Variants in CLSTN2 observed in about 807,000 individuals in gnomAD.
The protein encoded by CLSTN2 is calsyntenin 2.
In CLSTN2, 48 loss-of-function variants were observed where a neutral mutation model predicts 101.2. The ratio of observed to expected loss-of-function variants is 0.47; its 90% CI spans 0.38 to 0.60. CLSTN2 has a LOEUF of 0.60. Among genes scored for constraint, CLSTN2 ranks in the 20% least tolerant of loss-of-function variants. The pLI, the probability that CLSTN2 is intolerant of heterozygous loss-of-function variation, is 0.00. For synonymous variants in CLSTN2, 481 were observed against 463.6 expected (o/e 1.04, Z -0.48); for missense variants, 1,160 against 1,238.2 (o/e 0.94, Z 0.95).
chr3:139,991,377 A>G (rs1446368665), intron 1 of CLSTN2, among the ~76,000 whole-genome samples: 2 of 152,262 alleles, frequency 1.3e-5, no homozygotes, highest in East Asian at 3.8e-4. Context: ...TAAAACTATA[A>G]GACAGTTATT....
chr3:140,572,264 T>C lies in CLSTN2; in HGVS notation c.*6011T>C, dbSNP rs944787982. 12 of 152,164 alleles carry C rather than the reference T, an allele frequency of 7.9e-5. No homozygotes were observed. The highest frequency in any genetic ancestry group is 2.4e-4 in the African/African-American group (10 of 41,434). 9.4% of individuals were successfully genotyped at this position (152,164 alleles called of 1,614,324 possible). Reference sequence around the variant, plus strand: ...CAGACTGAGGAGCTCTCCAGGGAAGTAGGCAATATTTCCCTGAATATTCCT... The same window carrying C: ...CAGACTGAGGAGCTCTCCAGGGAAGCAGGCAATATTTCCCTGAATATTCCT... On this transcript the variant is annotated 3_prime_UTR_variant, in exon 17 of 17. Coordinates refer to ENST00000458420, the MANE Select transcript of CLSTN2 (RefSeq NM_022131.3).
intron 8 of CLSTN2, among the ~76,000 whole-genome samples, chr3:140,497,260 C>G (rs1025790010): frequency 3.9e-5 from 6 of 152,130 alleles, no homozygotes; most frequent in African/African-American, 1.4e-4. Flanking sequence ...GCCACCCTTC[C>G]CATCAGGGGC....
chr3:140,277,055 G>A (rs766372175), intron 2 of CLSTN2, among the ~76,000 whole-genome samples: 9 of 152,118 alleles, frequency 5.9e-5, no homozygotes, highest in East Asian at 5.8e-4. Context: ...TCATGCCTAA[G>A]CTCCTCCATG....
intron 1 of CLSTN2, among the ~76,000 whole-genome samples, chr3:140,165,393 A>T (rs2010119028): frequency 6.6e-6 from 1 of 152,226 alleles, no homozygotes; most frequent in Admixed American, 6.5e-5. Flanking sequence ...GCACTGTGTT[A>T]GGAACTGTAG....
intron 1 of CLSTN2, among the ~76,000 whole-genome samples, chr3:140,091,743 C>T (rs143296258): frequency 6.6e-6 from 1 of 152,252 alleles, no homozygotes; most frequent in African/African-American, 2.4e-5. Flanking sequence ...GGAACAATAT[C>T]CCATTAGGGA....
In CLSTN2 at chr3:140,226,658, C is replaced by T. The variant is rs999756383; in HGVS notation, c.232+50585C>T. ...ACTAGATAATGGAACAGGACCTAAA[C>T]TATGCAGTGCTGGTGTATTAGTCCA... On this transcript the variant is annotated intron_variant, in intron 2 of 16. Transcript: ENST00000458420. Among the ~76,000 whole-genome samples the T allele has an allele frequency of 3.9e-5, 6 of 152,082 alleles. No individual in the cohort carries two copies. The South Asian group carries it at 6.2e-4, about 16-fold the overall frequency.
chr3:140,466,112 C>T (rs1026461535), intron 7 of CLSTN2, among the ~76,000 whole-genome samples: 18 of 152,286 alleles, frequency 1.2e-4, no homozygotes, highest in African/African-American at 4.1e-4. Flanking sequence ...TGAGGCAGCT[C>T]TGCTTCATAT....
intron 10 of CLSTN2, among the ~76,000 whole-genome samples, chr3:140,555,100 T>TCC (rs1935769755): frequency 1.3e-5 from 2 of 152,190 alleles, no homozygotes; most frequent in African/African-American, 2.4e-5. Flanking sequence ...GATCCATACC[T>TCC]CCCTCACTGT....
At chr3:140,257,744 C>T (rs903944354) in intron 2 of CLSTN2, among the ~76,000 whole-genome samples, 1 of 152,028 alleles carries the variant, frequency 6.6e-6, no homozygotes, top group Admixed American at 6.6e-5. Context: ...ATTTAATTAA[C>T]AATTCTGCTG....
At chr3:140,358,817 G>A (rs751509225) in intron 2 of CLSTN2, among the ~76,000 whole-genome samples, 11 of 151,770 alleles carry the variant, frequency 7.2e-5, no homozygotes, top group Non-Finnish European at 1.3e-4. Context: ...CCCAGATGAC[G>A]ACACCTGGGA....
intron 9 of CLSTN2, among the ~76,000 whole-genome samples, chr3:140,537,877 G>GGAGT (rs1935389059): frequency 6.6e-6 from 1 of 152,154 alleles, no homozygotes; most frequent in South Asian, 2.1e-4. Flanking sequence ...GCTGTGCAAG[G>GGAGT]GAGTGAGTCA....
At position 140,562,268 on chromosome 3, in the gene CLSTN2, C is replaced by G. The variant is rs752600000; in HGVS notation, c.2172C>G (p.His724Gln). The G allele has an allele frequency of 2.4e-5, 38 of 1,613,788 alleles. No homozygotes were observed. The highest frequency in any genetic ancestry group is 2.2e-5 in the Non-Finnish European group (26 of 1,179,948). ...ACCACAGTGAGCTCCACCAACGACACCTGGATGCCACTAATTCTACTGCAG... is the reference window on the plus strand; with the variant it reads ...ACCACAGTGAGCTCCACCAACGACAGCTGGATGCCACTAATTCTACTGCAG... ...ELNHSELHQR[H>Q]LDATNSTAGY... Residue 724 changes from histidine (H) to glutamine (Q), a missense_variant, in exon 13 of 17, where the codon CAC becomes CAG. Coordinates refer to ENST00000458420, the MANE Select transcript of CLSTN2 (RefSeq NM_022131.3).
chr3:140,008,243 G>C (rs78181827), intron 1 of CLSTN2, among the ~76,000 whole-genome samples: 5,308 of 152,324 alleles, frequency 0.035, 116 homozygotes, highest in Non-Finnish European at 0.054. Context: ...CAAGGGAATA[G>C]CTGTGAGCTG....
intron 4 of CLSTN2, among the ~76,000 whole-genome samples, chr3:140,419,272 CA>C (rs2088466263): frequency 6.6e-6 from 1 of 150,622 alleles, no homozygotes; most frequent in Admixed American, 6.6e-5. Flanking sequence ...CACCTGAGAT[CA>C]CGAGTTCGAG....
chr3:139,975,406 G>A (rs983354618), intron 1 of CLSTN2, among the ~76,000 whole-genome samples: 5 of 152,166 alleles, frequency 3.3e-5, no homozygotes, highest in Non-Finnish European at 5.9e-5. Flanking sequence ...CACTGTCTCC[G>A]TAGTGCCTGG....
chr3:140,555,079 G>GA (rs1294482857), intron 10 of CLSTN2, among the ~76,000 whole-genome samples: 1 of 152,182 alleles, frequency 6.6e-6, no homozygotes, highest in Non-Finnish European at 1.5e-5. Context: ...TTATAGATTG[G>GA]CTGCAGCTCT....
intron 5 of CLSTN2, among the ~76,000 whole-genome samples, chr3:140,426,995 C>T (rs1214524872): frequency 6.6e-6 from 1 of 151,154 alleles, no homozygotes; most frequent in East Asian, 2.0e-4. Context: ...GCCAACATGG[C>T]GAATCCCTGT....
chr3:140,409,379 G>A (rs2088338170), intron 4 of CLSTN2, among the ~76,000 whole-genome samples: 2 of 152,138 alleles, frequency 1.3e-5, no homozygotes, highest in East Asian at 1.9e-4. Context: ...CACAGCCTTT[G>A]CCACACCAAG....
At chr3:140,418,159 G>T (rs2088451939) in intron 4 of CLSTN2, among the ~76,000 whole-genome samples, 1 of 151,888 alleles carries the variant, frequency 6.6e-6, no homozygotes, top group Non-Finnish European at 1.5e-5. Context: ...ATGTGATGTT[G>T]TGAAAATATA....
Sources: allele counts gnomAD v4.1 joint callset (sites outside exome capture counted in the v4.1 genomes callset), GRCh38; gene constraint gnomAD v4.1.1; transcripts MANE v1.5; gene names NCBI Gene and HGNC (gene_info 2026-07-23, HGNC 2026-07-21).